Variants in DCUN1D2 observed in about 807,000 individuals in gnomAD.
The protein encoded by DCUN1D2 is DCN1-like protein 2.
In DCUN1D2, 29 loss-of-function variants were observed where a neutral mutation model predicts 30.9. That is an observed-to-expected ratio of 0.94 (90% CI 0.70 to 1.28). DCUN1D2 has a LOEUF of 1.28. Ranked by LOEUF, DCUN1D2 falls within the 50% of genes most tolerant of loss-of-function variation. The pLI, the probability that DCUN1D2 is intolerant of heterozygous loss-of-function variation, is 0.00. For missense variants in DCUN1D2, 325 were observed against 316.9 expected, an observed-to-expected ratio of 1.03 and a Z score of -0.19; for synonymous variants, 121 against 115.3, an observed-to-expected ratio of 1.05 and a Z score of -0.32.
chr13:113,460,992 G>T, intron 5 of DCUN1D2, 62 bp downstream of exon 5: 1 of 1,058,226 alleles, frequency 9.4e-7, no homozygotes, highest in Non-Finnish European at 1.4e-6. Context: ...ATTACATGCA[G>T]CCTCATACCT....
chr13:113,470,254 G>C (rs903136872), intron 4 of DCUN1D2, among the ~76,000 whole-genome samples: 2 of 152,200 alleles, frequency 1.3e-5, no homozygotes, highest in South Asian at 2.1e-4. Context: ...GGAGCCATGG[G>C]CTGTGCCATA....
At position 113,490,018 on chromosome 13, in the gene DCUN1D2, G is replaced by A. The variant is rs1456336731; in HGVS notation, c.3+649C>T. Among the ~76,000 whole-genome samples, 5 of 152,086 alleles carry A rather than the reference G, an allele frequency of 3.3e-5. No individual in the cohort carries two copies. The highest frequency in any genetic ancestry group is 1.2e-4 in the African/African-American group (5 of 41,402). ...CCTTGCTGGCCTCTGAACCGATGTG[G>A]ACTGAATAAATCCCATCCATCACCA... On this transcript the variant is annotated intron_variant, in intron 1 of 6. Transcript: ENST00000478244. This position sits in a 1 kb window ranked among gnomAD's most constrained non-coding sequence, Gnocchi z 5.2.
rs1363559857 is a variant in DCUN1D2 at position 113,490,664 on chromosome 13, T to G, written c.3+3A>C. On this transcript the variant is annotated splice_donor_region_variant and intron_variant, in intron 1 of 6. Transcript: ENST00000478244. This position sits in a 1 kb window ranked among gnomAD's most constrained non-coding sequence, Gnocchi z 5.2. ...CGGGCAGAGGCGACGCCGGGCCACC[T>G]ACCATCTCCCCCGCGCCGCCCGCTT... The G allele has an allele frequency of 8.0e-7, 1 of 1,248,744 alleles. No homozygotes were observed. The allele number at this position is 1,248,744 out of a possible 1,614,324, so 77.4% of individuals were successfully genotyped here.
At chr13:113,472,361 C>T (rs927459451) in intron 4 of DCUN1D2, among the ~76,000 whole-genome samples, 2 of 152,204 alleles carry the variant, frequency 1.3e-5, no homozygotes, top group South Asian at 2.1e-4. Flanking sequence ...GACCCCACCA[C>T]GGCCTGAAAC....
chr13:113,460,812 C>A (rs2044306516), intron 5 of DCUN1D2, among the ~76,000 whole-genome samples: 2 of 152,224 alleles, frequency 1.3e-5, no homozygotes, highest in Admixed American at 1.3e-4. Context: ...GAGGAGCTTC[C>A]CGTGACTGCC....
At chr13:113,487,738 G>A (rs947316894) in intron 1 of DCUN1D2, among the ~76,000 whole-genome samples, 4 of 152,296 alleles carry the variant, frequency 2.6e-5, no homozygotes, top group South Asian at 2.1e-4. Context: ...TACAGTTATC[G>A]TTCGGGGTGA....
intron 4 of DCUN1D2, among the ~76,000 whole-genome samples, chr13:113,468,510 A>T (rs1595573177): frequency 6.6e-6 from 1 of 152,254 alleles, no homozygotes; most frequent in Non-Finnish European, 1.5e-5. Flanking sequence ...CCGTACACTT[A>T]AAAACAGTTA....
chr13:113,462,726 T>C (rs1426746182), intron 4 of DCUN1D2: 4 of 999,126 alleles, frequency 4.0e-6, no homozygotes, highest in African/African-American at 3.5e-5. Flanking sequence ...ATGGAACAGC[T>C]CTCTAGACCT....
At chr13:113,468,681 C>T (rs1001181586) in intron 4 of DCUN1D2, among the ~76,000 whole-genome samples, 4 of 150,492 alleles carry the variant, frequency 2.7e-5, no homozygotes, top group African/African-American at 1.0e-4. Context: ...CCTGGACAGG[C>T]GGGGCGGAGG....
rs561264081 is a variant in DCUN1D2 at position 113,463,827 on chromosome 13, C to G, written c.521-2691G>C. Among the ~76,000 whole-genome samples, 4 of 152,194 alleles carry G rather than the reference C, an allele frequency of 2.6e-5. No individual in the cohort carries two copies. The South Asian group carries it at 8.3e-4, about 32-fold the overall frequency. ...ATATAAACAGACACAAACACACACA[C>G]AGACACAGACACAAAGGAAATAAAG... On this transcript the variant is annotated intron_variant, in intron 4 of 6. Coordinates refer to ENST00000478244, the MANE Select transcript of DCUN1D2 (RefSeq NM_001014283.2).
rs1005987250 is a variant in DCUN1D2, at chr13:113,488,243, C to T, written c.3+2424G>A. On this transcript the variant is annotated intron_variant, in intron 1 of 6. Coordinates refer to ENST00000478244, the MANE Select transcript of DCUN1D2 (RefSeq NM_001014283.2). This position sits in a 1 kb window ranked among gnomAD's most constrained non-coding sequence, Gnocchi z 4.3. Reference sequence around the variant, plus strand: ...TCAAATTGTCTGATGTCACAAGATACTCCAGTAAACCCTGAACCACACGGT... The same window carrying T: ...TCAAATTGTCTGATGTCACAAGATATTCCAGTAAACCCTGAACCACACGGT... 6.6e-6 allele frequency among the ~76,000 whole-genome samples: 1 copy of T among 152,232 alleles called. No homozygotes were observed. The highest frequency in any genetic ancestry group is 6.5e-5 in the Admixed American group (1 of 15,294).
chr13:113,485,752 C>T lies in DCUN1D2; in HGVS notation c.4-1696G>A, dbSNP rs1198473496. ...GCATTAAGATAACGCTGTCCAGATA[C>T]ATACTCTCCCGTGTGCATCTGGGAT... On this transcript the variant is annotated intron_variant, in intron 1 of 6. Coordinates refer to ENST00000478244, the MANE Select transcript of DCUN1D2 (RefSeq NM_001014283.2). Among the ~76,000 whole-genome samples, 3 of 151,822 alleles carry T rather than the reference C, an allele frequency of 2.0e-5. No homozygotes were observed. In the East Asian group the frequency reaches 5.8e-4, roughly 29 times the overall value.
intron 1 of DCUN1D2, among the ~76,000 whole-genome samples, chr13:113,487,207 A>AAG (rs1220150310): frequency 2.0e-5 from 3 of 152,182 alleles, no homozygotes; most frequent in Non-Finnish European, 4.4e-5. Context: ...GAGCAAAGCC[A>AAG]AGAATTACCT....
intron 6 of DCUN1D2, 69 bp downstream of exon 6, chr13:113,459,243 A>G (rs192187228): frequency 1.2e-6 from 1 of 844,068 alleles, no homozygotes; most frequent in Admixed American, 1.7e-5. Flanking sequence ...ACCACTCTAG[A>G]GGCAGGAGAA....
At chr13:113,468,643 C>T (rs1001014721) in intron 4 of DCUN1D2, among the ~76,000 whole-genome samples, 20 of 152,008 alleles carry the variant, frequency 1.3e-4, no homozygotes, top group African/African-American at 3.4e-4. Context: ...CCTATGAGGA[C>T]GCAGCACTAA....
At chr13:113,484,857 C>A (rs1209078223) in intron 1 of DCUN1D2, among the ~76,000 whole-genome samples, 1 of 152,096 alleles carries the variant, frequency 6.6e-6, no homozygotes, top group Non-Finnish European at 1.5e-5. Flanking sequence ...TGAGGCGGAT[C>A]ACCTGAGGTC....
chr13:113,461,167 A>C (rs1238607197), intron 4 of DCUN1D2, 31 bp from the exon 5 acceptor site: 4 of 1,403,410 alleles, frequency 2.9e-6, no homozygotes, highest in Non-Finnish European at 1.0e-6. Context: ...GCAGTTAGTA[A>C]ATCTCACTCT....
At position 113,473,940 on chromosome 13, in the gene DCUN1D2, G is replaced by A. The variant is rs553342174; in HGVS notation, c.520+184C>T. Among the ~76,000 whole-genome samples, 67 of 152,322 alleles carry A rather than the reference G, an allele frequency of 4.4e-4. 1 individual carries two copies. Among genetic ancestry groups the A allele is most frequent in the African/African-American group, 1.4e-3 (60 of 41,560 alleles). On this transcript the variant is annotated intron_variant, in intron 4 of 6. Transcript: ENST00000478244. ...GGACTGCTTGAGCCCAGGAGATTGA[G>A]GCTGCAGTGAGCTGTGATTGCACCA...
Position 113,490,694 on chromosome 13 carries a change from C to A in DCUN1D2, c.-25G>T. 1 of 1,219,778 alleles carries A rather than the reference C, an allele frequency of 8.2e-7. No homozygotes were observed. The highest frequency in any genetic ancestry group is 1.0e-6 in the Non-Finnish European group (1 of 979,078). The allele number at this position is 1,219,778 out of a possible 1,614,324, so 75.6% of individuals were successfully genotyped here. A position where few individuals can be genotyped will look rare whatever the true frequency, so the allele number is the denominator to read the frequency against. On this transcript the variant is annotated 5_prime_UTR_variant, in exon 1 of 7. Transcript: ENST00000478244. The surrounding 1 kb of genome is among the most constrained non-coding windows in gnomAD (Gnocchi z 5.2). ...TCTCCCCCGCGCCGCCCGCTTCTGG[C>A]CGGCCCCGGCCTTCTGCGCAGGCGC...
Sources: allele counts gnomAD v4.1 joint callset (sites outside exome capture counted in the v4.1 genomes callset), GRCh38; gene constraint gnomAD v4.1.1; non-coding constraint Gnocchi (gnomAD v3.1); transcripts MANE v1.5; gene names NCBI Gene and HGNC (gene_info 2026-07-23, HGNC 2026-07-21).